GLB1L3: variants seen among roughly 807,000 people sequenced by gnomAD.
The protein encoded by GLB1L3 is galactosidase beta 1 like 3.
A neutral mutation model predicts 89.5 loss-of-function variants in GLB1L3; 89 were observed. The observed-to-expected ratio is 0.99, with a 90% CI of 0.84 to 1.19. The LOEUF is 1.19. Among genes scored for constraint, GLB1L3 ranks in the 50% most tolerant of loss-of-function variants. The probability of loss-of-function intolerance (pLI) is 0.00; values close to 1 mark genes in which losing one functional copy is unlikely to be tolerated. For missense variants in GLB1L3, 812 were observed against 813.3 expected (o/e 1.00, Z 0.02); for synonymous variants, 314 against 312.3 (o/e 1.01, Z -0.06).
Position 134,290,687 on chromosome 11 carries a change from G to A in GLB1L3, c.730-1445G>A, listed in dbSNP as rs534899771. Among the ~76,000 whole-genome samples the A allele has an allele frequency of 5.3e-5, 8 of 152,100 alleles. No individual in the cohort carries two copies. The South Asian group carries it at 1.7e-3, about 32-fold the overall frequency. ...ACAGGAGACGCACAGCCAGGCCCTG[G>A]CTATCTGGCCTCGTGACCATGGTTT... On this transcript the variant is annotated intron_variant, in intron 7 of 19. Transcript: ENST00000431683.
At chr11:134,285,277 C>T (rs1940917735) in intron 6 of GLB1L3, among the ~76,000 whole-genome samples, 1 of 151,984 alleles carries the variant, frequency 6.6e-6, no homozygotes, top group African/African-American at 2.4e-5. Context: ...TGATAAGAAA[C>T]GCCTTCATTT....
At chr11:134,322,475 A>G (rs1044881568), downstream of GLB1L3, among the ~76,000 whole-genome samples, 6 of 152,188 alleles carry the variant, frequency 3.9e-5, no homozygotes, top group Non-Finnish European at 8.8e-5. Flanking sequence ...AGTTTTTAGT[A>G]GGATATATTC....
At chr11:134,295,045 T>G (rs915253505) in intron 9 of GLB1L3, among the ~76,000 whole-genome samples, 1 of 152,250 alleles carries the variant, frequency 6.6e-6, no homozygotes, top group African/African-American at 2.4e-5. Flanking sequence ...AATTTTTGCT[T>G]CCATGTTTAT....
In GLB1L3 at chr11:134,311,054, T is replaced by G; in HGVS notation, c.1181-10T>G. The G allele has an allele frequency of 1.2e-6, 2 of 1,609,634 alleles. No individual in the cohort carries two copies. The highest frequency in any genetic ancestry group is 2.2e-5 in the South Asian group (2 of 90,924). ...GGCACTTTTTGCCCTGTGCCCCATC[T>G]CCATTGCAGCAACTCCCCTGCCCCG... On this transcript the variant is annotated splice_polypyrimidine_tract_variant and intron_variant, in intron 12 of 19. Coordinates refer to ENST00000431683, the MANE Select transcript of GLB1L3 (RefSeq NM_001080407.3).
intron 13 of GLB1L3, chr11:134,311,389 G>C (rs1942728877): frequency 3.7e-6 from 2 of 537,228 alleles, no homozygotes; most frequent in African/African-American, 1.9e-5. Flanking sequence ...GACGTCGGAG[G>C]ATCCCGGGTT....
At chr11:134,312,194 T>G in intron 13 of GLB1L3, 155 bp from the exon 14 acceptor site, 1 of 771,822 alleles carries the variant, frequency 1.3e-6, no homozygotes. Flanking sequence ...AGTGGAGACG[T>G]AAGCACAGAG....
chr11:134,309,767 A>C lies in GLB1L3; in HGVS notation c.1099+4A>C. On this transcript the variant is annotated splice_donor_region_variant and intron_variant, in intron 11 of 19. Transcript: ENST00000431683. ...TCGGGCATTGTCACCAGCTATGGCAAGTGTCGCTGGTGTAGTAGCCTCTCC... is the reference window on the plus strand; with the variant it reads ...TCGGGCATTGTCACCAGCTATGGCACGTGTCGCTGGTGTAGTAGCCTCTCC... The C allele has an allele frequency of 1.2e-6, 2 of 1,612,802 alleles. No individual in the cohort carries two copies. Among genetic ancestry groups the C allele is most frequent in the African/African-American group, 1.3e-5 (1 of 75,014 alleles).
At chr11:134,318,284 A>T (rs899067890) in intron 18 of GLB1L3, among the ~76,000 whole-genome samples, 12 of 152,192 alleles carry the variant, frequency 7.9e-5, no homozygotes, top group African/African-American at 2.7e-4. Context: ...GCAGATTTTT[A>T]AAAATGTGCA....
chr11:134,277,254 C>G, intron 1 of GLB1L3, 72 bp from the exon 2 acceptor site: 1 of 1,604,266 alleles, frequency 6.2e-7, no homozygotes, highest in South Asian at 1.1e-5. Context: ...GCCCCCGGCA[C>G]AGCTTCCCGG....
intron 6 of GLB1L3, 56 bp downstream of exon 6, chr11:134,283,901 G>A: frequency 2.9e-6 from 3 of 1,037,180 alleles, no homozygotes; most frequent in Non-Finnish European, 4.5e-6. Flanking sequence ...GAAAGAGTTT[G>A]TTCTGGCTTG....
chr11:134,300,427 G>A (rs948168899), intron 9 of GLB1L3, among the ~76,000 whole-genome samples: 2 of 151,138 alleles, frequency 1.3e-5, no homozygotes, highest in Admixed American at 1.3e-4. Context: ...CCACCTCCTG[G>A]GTTCACACCA....
chr11:134,286,551 T>C (rs767468246), intron 6 of GLB1L3, among the ~76,000 whole-genome samples: 6 of 151,176 alleles, frequency 4.0e-5, no homozygotes, highest in Admixed American at 1.3e-4. Context: ...CTGAGGCGGG[T>C]GGATCACGAG....
intron 9 of GLB1L3, among the ~76,000 whole-genome samples, chr11:134,303,325 C>T (rs1942037402): frequency 6.6e-6 from 1 of 152,132 alleles, no homozygotes; most frequent in Admixed American, 6.5e-5. Context: ...TTGGAGCTGT[C>T]AGTCATTCAT....
rs145649248 is a variant in GLB1L3 at position 134,292,119 on chromosome 11, A to G, written c.730-13A>G. 2.4e-5 allele frequency: 38 copies of G among 1,609,374 alleles called. No homozygotes were observed. In the African/African-American group the frequency reaches 4.4e-4, roughly 19 times the overall value. On this transcript the variant is annotated splice_polypyrimidine_tract_variant and intron_variant, in intron 7 of 19. Coordinates refer to ENST00000431683, the MANE Select transcript of GLB1L3 (RefSeq NM_001080407.3). Reference sequence around the variant, plus strand: ...GAGGGAATTGGGTTCATTTTGGTTAATTTTCTCAACAGGCCCTGCTGAGAA... The same window carrying G: ...GAGGGAATTGGGTTCATTTTGGTTAGTTTTCTCAACAGGCCCTGCTGAGAA...
intron 3 of GLB1L3, 128 bp from the exon 4 acceptor site, chr11:134,281,249 C>T (rs1940668669): frequency 1.9e-6 from 2 of 1,048,784 alleles, no homozygotes; most frequent in Non-Finnish European, 3.0e-6. Context: ...GGTTTAATTT[C>T]CACTGGTAAC....
At chr11:134,318,000 T>C (rs1426847316) in intron 18 of GLB1L3, among the ~76,000 whole-genome samples, 2 of 152,180 alleles carry the variant, frequency 1.3e-5, no homozygotes, top group African/African-American at 4.8e-5. Context: ...GGTTTACATA[T>C]CATTATCCAT....
chr11:134,277,218 C>G (rs772264338), intron 1 of GLB1L3, 108 bp from the exon 2 acceptor site: 7 of 1,434,276 alleles, frequency 4.9e-6, no homozygotes, highest in Non-Finnish European at 6.8e-6. Flanking sequence ...GTCGCGGGCC[C>G]CCTCCCTGGC....
intron 10 of GLB1L3, among the ~76,000 whole-genome samples, chr11:134,308,555 A>ACCACCAC (rs1942511132): frequency 1.3e-4 from 2 of 15,930 alleles, no homozygotes; most frequent in African/African-American, 4.4e-4. Flanking sequence ...CACCATCACC[A>ACCACCAC]TCACCACCAC....
chr11:134,320,820 T>C (rs942492860), downstream of GLB1L3, among the ~76,000 whole-genome samples: 4 of 152,086 alleles, frequency 2.6e-5, no homozygotes, highest in African/African-American at 9.7e-5. Flanking sequence ...CTAAATGATG[T>C]TCTGTAGCGG....
Sources: gnomAD v4.1 joint callset for allele counts (sites outside exome capture counted in the v4.1 genomes callset) on GRCh38, gnomAD v4.1.1 for gene constraint, MANE v1.5 for transcripts, NCBI Gene and HGNC (gene_info 2026-07-23, HGNC 2026-07-21) for gene names.